KANSL3: variants seen among roughly 807,000 people sequenced by gnomAD.
KANSL3 encodes the protein KAT8 regulatory NSL complex subunit 3.
A neutral mutation model predicts 89.2 loss-of-function variants in KANSL3; 16 were observed. The ratio of observed to expected loss-of-function variants is 0.18; its 90% CI spans 0.12 to 0.27. The LOEUF (loss-of-function observed/expected upper bound fraction) is 0.27, where lower values mean the gene tolerates loss of function less well. Among genes scored for constraint, KANSL3 ranks in the 10% least tolerant of loss-of-function variants. The probability of loss-of-function intolerance (pLI) is 1.00; values close to 1 mark genes in which losing one functional copy is unlikely to be tolerated. For missense variants in KANSL3, 879 were observed against 1,110.6 expected, an observed-to-expected ratio of 0.79 and a Z score of 2.96; for synonymous variants, 385 against 419.7, an observed-to-expected ratio of 0.92 and a Z score of 1.01.
chr2:96,587,942 A>G, the KANSL3 span, among the ~76,000 whole-genome samples: 1 of 152,324 alleles, frequency 6.6e-6, no homozygotes, highest in Admixed American at 6.5e-5. Flanking sequence ...TTGAAGACAG[A>G]ACAACAGACA....
At chr2:96,609,149 T>C in intron 12 of KANSL3, 85 bp from the exon 13 acceptor site, 1 of 1,231,332 alleles carries the variant, frequency 8.1e-7, no homozygotes, top group Admixed American at 2.2e-5. Context: ...CTAAAACAGA[T>C]TCTCCCTCAG....
chr2:96,621,515 A>G (rs888878235), intron 3 of KANSL3, among the ~76,000 whole-genome samples: 1 of 144,042 alleles, frequency 6.9e-6, no homozygotes, highest in Non-Finnish European at 1.5e-5. Flanking sequence ...CTCTGTCTTG[A>G]AAAAAAAAAA....
At chr2:96,628,382 G>A in intron 3 of KANSL3, 1 of 405,612 alleles carries the variant, frequency 2.5e-6, no homozygotes, top group Non-Finnish European at 3.3e-6. Context: ...CAAGTGCAGT[G>A]GCTCACACCT....
rs770741936 is a variant in KANSL3 at position 96,604,227 on chromosome 2, G to C, written c.2149+23C>G. Reference sequence around the variant, plus strand: ...GACCAAAAATTCTGTGTTGGAAGGGGAGAATGCTGGGCCACAAGATACCTG... The same window carrying C: ...GACCAAAAATTCTGTGTTGGAAGGGCAGAATGCTGGGCCACAAGATACCTG... On this transcript the variant is annotated intron_variant, in intron 17 of 20. Coordinates refer to ENST00000431828, the MANE Select transcript of KANSL3 (RefSeq NM_001115016.3). The C allele has an allele frequency of 2.5e-6, 4 of 1,579,820 alleles. No individual in the cohort carries two copies. The African/African-American group carries it at 5.5e-5, about 22-fold the overall frequency.
intron 2 of KANSL3, among the ~76,000 whole-genome samples, chr2:96,634,860 CCTCCAGTCTTCCCTAA>C (rs1217711210): frequency 6.6e-6 from 1 of 152,190 alleles, no homozygotes; most frequent in Non-Finnish European, 1.5e-5. Context: ...AACCTATCCT[CCTCCAGTCTTCCCTAA>C]CTCATGGCAC....
intron 5 of KANSL3, among the ~76,000 whole-genome samples, chr2:96,618,162 G>GA (rs1044588032): frequency 3.5e-4 from 46 of 130,822 alleles, no homozygotes; most frequent in Middle Eastern, 4.0e-3. Context: ...TGTCTCCAAA[G>GA]AAAAAAAAAA....
chr2:96,582,874 G>A, the KANSL3 span, among the ~76,000 whole-genome samples: 1 of 152,236 alleles, frequency 6.6e-6, no homozygotes, highest in East Asian at 1.9e-4. Flanking sequence ...TGAAATTTCA[G>A]TTCAATTCTT....
chr2:96,614,639 C>T (rs768862040), intron 5 of KANSL3, among the ~76,000 whole-genome samples: 2 of 151,766 alleles, frequency 1.3e-5, no homozygotes, highest in Non-Finnish European at 2.9e-5. Context: ...GGTGTGGTGG[C>T]GCACACCAGT....
rs1343132674 is a variant in KANSL3, at chr2:96,594,255, T to C, written c.*1356A>G. ...CCTTCCTGCCTACAGAAAAGGACAC[T>C]TGAGTGGAGTCACACTTGGGTTGCC... On this transcript the variant is annotated 3_prime_UTR_variant, in exon 21 of 21. Transcript: ENST00000431828. 6.6e-6 allele frequency: 1 copy of C among 152,276 alleles called. No individual in the cohort carries two copies. Among genetic ancestry groups the C allele is most frequent in the East Asian group, 1.9e-4 (1 of 5,206 alleles). 9.4% of individuals were successfully genotyped at this position (152,276 alleles called of 1,614,324 possible).
Position 96,609,031 on chromosome 2 carries a change from T to A in KANSL3, c.1417A>T (p.Thr473Ser), listed in dbSNP as rs910103571. 1.9e-6 allele frequency: 3 copies of A among 1,563,978 alleles called. No individual in the cohort carries two copies. The African/African-American group carries it at 4.1e-5, about 21-fold the overall frequency. Residue 473 changes from threonine (T) to serine (S), a missense_variant, in exon 13 of 21, where the codon ACT (threonine) becomes TCT (serine). Physicochemically the swap from Thr to Ser is moderately conservative, Grantham distance 58 (BLOSUM62 1). Coordinates refer to ENST00000431828, the MANE Select transcript of KANSL3 (RefSeq NM_001115016.3). ...GAGCCCATGTGACCCTCAGCACGAG[T>A]GAGCACTCCAGTCAGAAAGTCCACA... is the stretch of plus-strand genomic sequence containing the variant. The part of the protein sequence containing the change: ...EIVDFLTGVL[T>S]RAEGHMGSEP...
intron 3 of KANSL3, among the ~76,000 whole-genome samples, chr2:96,624,957 G>C (rs927592696): frequency 6.6e-6 from 1 of 151,932 alleles, no homozygotes; most frequent in African/African-American, 2.4e-5. Context: ...TGTAATCCCA[G>C]CACTTTGGGA....
intron 5 of KANSL3, among the ~76,000 whole-genome samples, chr2:96,614,304 G>C (rs1367843800): frequency 6.6e-6 from 1 of 152,080 alleles, no homozygotes; most frequent in Non-Finnish European, 1.5e-5. Context: ...ATATTGGTCA[G>C]GATGGTCTTG....
At position 96,619,431 on chromosome 2, in the gene KANSL3, G is replaced by T. The variant is rs758223847; in HGVS notation, c.591C>A (p.Thr197=). The change falls in exon 5 of 21, where the codon ACC becomes ACA. Residue 197 remains threonine (T), a synonymous_variant. Coordinates refer to ENST00000431828, the MANE Select transcript of KANSL3 (RefSeq NM_001115016.3). ...WDTKLIQWLH[T]TLVETLSLPM... ...GCAGACTCAAGGTCTCCACAAGGGT[G>T]GTGTGCAGCCACTGGATCAGCTTGG... is the stretch of plus-strand genomic sequence containing the variant. 1.2e-6 allele frequency: 2 copies of T among 1,613,904 alleles called. No homozygotes were observed. Among genetic ancestry groups the T allele is most frequent in the Non-Finnish European group, 1.7e-6 (2 of 1,179,864 alleles).
In KANSL3 at chr2:96,617,706, A is replaced by C. The variant is rs1161755326; in HGVS notation, c.663+1653T>G. ...GTCTCTACAAAAAAATTAAAAATTT[A>C]GCTGGGTGTGGCAGGGCACGGCAGC... is the stretch of plus-strand genomic sequence containing the variant. On this transcript the variant is annotated intron_variant, in intron 5 of 20. Transcript: ENST00000431828. Among the ~76,000 whole-genome samples, 6 of 152,292 alleles carry C rather than the reference A, an allele frequency of 3.9e-5. No individual in the cohort carries two copies. The East Asian group carries it at 7.7e-4, about 20-fold the overall frequency.
chr2:96,632,897 C>T (rs1311018705), intron 2 of KANSL3, among the ~76,000 whole-genome samples: 4 of 145,318 alleles, frequency 2.8e-5, no homozygotes, highest in East Asian at 4.1e-4. Flanking sequence ...ACCCAGGAGG[C>T]GGAGCTTGCA....
rs77381802 is a variant in KANSL3 at position 96,596,107 on chromosome 2, C to G, written c.2617-476G>C. ...ATTTCCGTGACTTCTGATTTTGAGG[C>G]CTTAGACATGTAGGTGTGGGGGGAT... On this transcript the variant is annotated intron_variant, in intron 20 of 20. Coordinates refer to ENST00000431828, the MANE Select transcript of KANSL3 (RefSeq NM_001115016.3). Among the ~76,000 whole-genome samples, 28 of 152,292 alleles carry G rather than the reference C, an allele frequency of 1.8e-4. No individual in the cohort carries two copies. In the East Asian group the frequency reaches 5.4e-3, roughly 29 times the overall value.
chr2:96,590,332 T>G (rs1366216604), downstream of KANSL3, among the ~76,000 whole-genome samples: 6 of 151,988 alleles, frequency 3.9e-5, no homozygotes, highest in Non-Finnish European at 5.9e-5. Context: ...CTCACTCTGT[T>G]GCTCAGATTG....
Position 96,610,861 on chromosome 2 carries a change from T to A in KANSL3, c.1184A>T (p.Asp395Val). 5.6e-6 allele frequency: 9 copies of A among 1,613,962 alleles called. No individual in the cohort carries two copies. The highest frequency in any genetic ancestry group is 3.3e-5 in the South Asian group (3 of 91,082). Residue 395 changes from aspartate (D) to valine (V), a missense_variant, in exon 11 of 21, where the codon GAT becomes GTT. This residue lies in a region of KANSL3 where 198 missense variants were observed against 260.3 expected (regional missense o/e 0.76). Coordinates refer to ENST00000431828, the MANE Select transcript of KANSL3 (RefSeq NM_001115016.3). ...GACAAAGAGGACTGGAGTCTTCATA[T>A]CCAAGAGGGGATCATCTACATCCTA... ...PRGDVDDPLL[D>V]MKTPVLFVIG...
At chr2:96,633,743 T>C (rs369612135) in intron 2 of KANSL3, among the ~76,000 whole-genome samples, 2 of 151,980 alleles carry the variant, frequency 1.3e-5, no homozygotes, top group Admixed American at 6.6e-5. Context: ...CGTGCACCTA[T>C]AGTCCCAGCT....
Sources: allele counts gnomAD v4.1 joint callset (sites outside exome capture counted in the v4.1 genomes callset), GRCh38; gene constraint gnomAD v4.1.1; regional missense constraint gnomAD v4.1.1; transcripts MANE v1.5; gene names NCBI Gene and HGNC (gene_info 2026-07-23, HGNC 2026-07-21).